Variants in NAALADL2 observed in about 807,000 individuals in gnomAD.
NAALADL2 encodes the protein N-acetylated alpha-linked acidic dipeptidase like 2.
A neutral mutation model predicts 87.2 loss-of-function variants in NAALADL2; 76 were observed. The ratio of observed to expected loss-of-function variants is 0.87; its 90% CI spans 0.72 to 1.05. The LOEUF (loss-of-function observed/expected upper bound fraction) is 1.05, where lower values mean the gene tolerates loss of function less well. NAALADL2 is among the 50% of genes least tolerant of loss of function. The pLI is 0.00. For missense variants in NAALADL2, 1,089 were observed against 945.8 expected (o/e 1.15, Z -1.99); for synonymous variants, 354 against 331.0 (o/e 1.07, Z -0.75).
chr3:175,029,163 A>C (rs1752536893), intron 1 of NAALADL2, among the ~76,000 whole-genome samples: 1 of 151,926 alleles, frequency 6.6e-6, no homozygotes, highest in African/African-American at 2.4e-5. Flanking sequence ...ATGATGAACA[A>C]AAGATGTATG....
intron 2 of NAALADL2, among the ~76,000 whole-genome samples, chr3:174,693,928 A>G (rs1000623833): frequency 2.6e-5 from 4 of 152,130 alleles, no homozygotes; most frequent in African/African-American, 4.8e-5. Context: ...ATCCTGAGGA[A>G]TATCAAAGAA....
chr3:175,381,871 G>T (rs1767828604), intron 5 of NAALADL2, among the ~76,000 whole-genome samples: 1 of 152,158 alleles, frequency 6.6e-6, no homozygotes, highest in African/African-American at 2.4e-5. Context: ...GCAGCAGCGG[G>T]CCTGCATGCT....
At chr3:175,271,358 A>G (rs1752805242) in intron 4 of NAALADL2, among the ~76,000 whole-genome samples, 1 of 152,238 alleles carries the variant, frequency 6.6e-6, no homozygotes, top group Non-Finnish European at 1.5e-5. Flanking sequence ...GAAAACGTGA[A>G]TTATTTAATT....
chr3:175,251,305 A>C (rs1166352454), intron 3 of NAALADL2, among the ~76,000 whole-genome samples: 2 of 152,206 alleles, frequency 1.3e-5, no homozygotes, highest in African/African-American at 4.8e-5. Context: ...TTGGTTATAA[A>C]AATGAATGTA....
chr3:175,279,714 G>A (rs1010778076), intron 4 of NAALADL2, among the ~76,000 whole-genome samples: 1 of 151,590 alleles, frequency 6.6e-6, no homozygotes, highest in Non-Finnish European at 1.5e-5. Context: ...TGTCAGGAAG[G>A]CCAGCATGAT....
At chr3:175,667,186 A>AGAAAGAAAGAAAGAAG (rs1160846366) in intron 11 of NAALADL2, among the ~76,000 whole-genome samples, 1 of 47,848 alleles carries the variant, frequency 2.1e-5, no homozygotes, top group Non-Finnish European at 3.8e-5. Context: ...AGAAAGAGAA[A>AGAAAGAAAGAAAGAAG]GAAAGAAAGA....
intron 5 of NAALADL2, among the ~76,000 whole-genome samples, chr3:175,431,678 T>C (rs555641612): frequency 6.6e-6 from 1 of 152,036 alleles, no homozygotes; most frequent in Non-Finnish European, 1.5e-5. Flanking sequence ...GTTCTTTGTA[T>C]GCAGAAGTGT....
At chr3:175,578,517 C>T (rs147670247) in intron 10 of NAALADL2, among the ~76,000 whole-genome samples, 91 of 152,284 alleles carry the variant, frequency 6.0e-4, no homozygotes, top group Non-Finnish European at 1.2e-3. Flanking sequence ...CCATGCTAAG[C>T]ATTTTATACC....
intron 9 of NAALADL2, among the ~76,000 whole-genome samples, chr3:175,474,732 C>T (rs62285248): frequency 5.1e-5 from 1 of 19,552 alleles, no homozygotes; most frequent in African/African-American, 7.2e-5. Flanking sequence ...TTCAGGACTG[C>T]TTTTCCCTAC....
At chr3:175,115,025 ATAAACTTGTTTT>A (rs1263280552) in intron 2 of NAALADL2, among the ~76,000 whole-genome samples, 1 of 151,726 alleles carries the variant, frequency 6.6e-6, no homozygotes, top group African/African-American at 2.4e-5. Flanking sequence ...TGAAGCACTT[ATAAACTTGTTTT>A]TAAATGAACG....
At chr3:174,495,706 C>G (rs1718489433) in intron 1 of NAALADL2, among the ~76,000 whole-genome samples, 1 of 35,850 alleles carries the variant, frequency 2.8e-5, no homozygotes, top group South Asian at 1.3e-3. Flanking sequence ...ATGTCTTTTT[C>G]TGTTGCAGTT....
intron 2 of NAALADL2, among the ~76,000 whole-genome samples, chr3:174,689,127 T>G (rs942554524): frequency 7.2e-5 from 11 of 152,152 alleles, no homozygotes; most frequent in African/African-American, 2.6e-4. Flanking sequence ...ATAAAAACAA[T>G]AAGTATAATG....
chr3:175,717,642 G>T (rs570672034), intron 11 of NAALADL2, among the ~76,000 whole-genome samples: 4 of 149,380 alleles, frequency 2.7e-5, no homozygotes, highest in African/African-American at 7.4e-5. Context: ...AGTGACCCAA[G>T]ATCGTACCAC....
chr3:174,497,202 C>A (rs1396418297), intron 1 of NAALADL2, among the ~76,000 whole-genome samples: 1 of 151,546 alleles, frequency 6.6e-6, no homozygotes, highest in African/African-American at 2.4e-5. Flanking sequence ...TATATATTCA[C>A]CTTCATATTC....
intron 13 of NAALADL2, among the ~76,000 whole-genome samples, chr3:175,781,597 A>G (rs1751086182): frequency 6.6e-6 from 1 of 151,488 alleles, no homozygotes; most frequent in African/African-American, 2.4e-5. Context: ...AAAAAAATTG[A>G]TGATACTGAT....
Position 175,254,750 on chromosome 3 carries a change from A to G in NAALADL2, c.820-1661A>G, listed in dbSNP as rs146103397. ...ATCATTTACTTAATCAGACTTTTAA[A>G]ATCATATATCAACAGTTATTTATAT... is the stretch of plus-strand genomic sequence containing the variant. On this transcript the variant is annotated intron_variant, in intron 3 of 13. Coordinates refer to ENST00000454872, the MANE Select transcript of NAALADL2 (RefSeq NM_207015.3). 6.2e-3 allele frequency among the ~76,000 whole-genome samples: 940 copies of G among 152,324 alleles called. 15 individuals carry two copies. Among genetic ancestry groups the G allele is most frequent in the African/African-American group, 0.022 (899 of 41,570 alleles).
At chr3:174,643,061 C>T (rs888106626) in intron 2 of NAALADL2, among the ~76,000 whole-genome samples, 1 of 152,062 alleles carries the variant, frequency 6.6e-6, no homozygotes, top group African/African-American at 2.4e-5. Flanking sequence ...GAATAACAGG[C>T]ATGAGCCACC....
chr3:175,685,875 A>G (rs1421748565), intron 11 of NAALADL2, among the ~76,000 whole-genome samples: 2 of 152,204 alleles, frequency 1.3e-5, no homozygotes, highest in Non-Finnish European at 1.5e-5. Context: ...TACATTAGGA[A>G]AGGCAATCTG....
At chr3:175,164,035 G>A (rs189136940) in intron 2 of NAALADL2, among the ~76,000 whole-genome samples, 59 of 152,248 alleles carry the variant, frequency 3.9e-4, no homozygotes, top group African/African-American at 1.3e-3. Flanking sequence ...GCTTATGTAG[G>A]AAGTTTAAAA....
Sources: gnomAD v4.1 joint callset for allele counts (sites outside exome capture counted in the v4.1 genomes callset) on GRCh38, gnomAD v4.1.1 for gene constraint, MANE v1.5 for transcripts, NCBI Gene and HGNC (gene_info 2026-07-23, HGNC 2026-07-21) for gene names.